FBXW2: variants seen among roughly 807,000 people sequenced by gnomAD.
FBXW2 encodes the protein F-box and WD repeat domain containing 2.
In FBXW2, 12 loss-of-function variants were observed where a neutral mutation model predicts 46.0. The ratio of observed to expected loss-of-function variants is 0.26; its 90% CI spans 0.17 to 0.42. The LOEUF (loss-of-function observed/expected upper bound fraction) is 0.42. Among genes scored for constraint, FBXW2 ranks in the 10% least tolerant of loss-of-function variants. FBXW2 has a pLI of 1.00. For synonymous variants in FBXW2, 203 were observed against 209.6 expected, an observed-to-expected ratio of 0.97 and a Z score of 0.27; for missense variants, 360 against 537.0, an observed-to-expected ratio of 0.67 and a Z score of 3.26.
At position 120,771,479 on chromosome 9, in the gene FBXW2, T is replaced by C; in HGVS notation, c.945A>G (p.Leu315=). Residue 315 remains leucine (L), a synonymous_variant, in exon 7 of 8, where the codon TTA becomes TTG. Transcript: ENST00000608872. ...PIGREINCKC[L]KTLSVSEDRS... ...TATCCTCAGAGACAGACAATGTCTT[T>C]AAGCACTTACAGTTGATTTCTCTCC... 2 of 1,613,550 alleles carry C rather than the reference T, an allele frequency of 1.2e-6. No individual in the cohort carries two copies. Among genetic ancestry groups the C allele is most frequent in the Non-Finnish European group, 8.5e-7 (1 of 1,179,876 alleles).
intron 7 of FBXW2, among the ~76,000 whole-genome samples, chr9:120,770,840 T>C (rs753665606): frequency 1.3e-5 from 2 of 152,198 alleles, no homozygotes; most frequent in Non-Finnish European, 1.5e-5. Context: ...CACAAAATTA[T>C]TTGTCTATGG....
intron 5 of FBXW2, among the ~76,000 whole-genome samples, chr9:120,773,137 T>C (rs556546996): frequency 6.6e-6 from 1 of 150,724 alleles, no homozygotes; most frequent in Non-Finnish European, 1.5e-5. Context: ...CAGTGAGCTA[T>C]GATTGCACCA....
intron 3 of FBXW2, 38 bp downstream of exon 3, chr9:120,787,731 C>G: frequency 1.3e-6 from 2 of 1,569,290 alleles, no homozygotes; most frequent in Non-Finnish European, 1.7e-6. Flanking sequence ...CTATGAAATA[C>G]AAAACAAAAC....
At chr9:120,776,857 ACT>A (rs1156396827) in intron 4 of FBXW2, among the ~76,000 whole-genome samples, 1 of 152,180 alleles carries the variant, frequency 6.6e-6, no homozygotes, top group Non-Finnish European at 1.5e-5. Context: ...AGATGAAGAC[ACT>A]GATTCTTCCT....
At chr9:120,784,641 TG>T (rs2044681449) in intron 3 of FBXW2, among the ~76,000 whole-genome samples, 1 of 150,232 alleles carries the variant, frequency 6.7e-6, no homozygotes, top group Non-Finnish European at 1.5e-5. Flanking sequence ...AAAATGCGGC[TG>T]GGTGCAGTGC....
rs1388438934 is a variant in FBXW2 at position 120,757,778 on chromosome 9, G to A, written c.*6781C>T. 6.6e-6 allele frequency: 1 copy of A among 151,958 alleles called. No individual in the cohort carries two copies. Among genetic ancestry groups the A allele is most frequent in the East Asian group, 1.9e-4 (1 of 5,190 alleles). The allele number at this position is 151,958 out of a possible 1,614,324, so 9.4% of individuals were successfully genotyped here. ...AAGGACAGGAACATCCCACTGGCAG[G>A]GACTACTCATGTCTAATCACAGTGT... On this transcript the variant is annotated 3_prime_UTR_variant, in exon 8 of 8. Transcript: ENST00000608872.
chr9:120,790,065 A>C (rs1440292597), intron 2 of FBXW2, among the ~76,000 whole-genome samples: 1 of 152,206 alleles, frequency 6.6e-6, no homozygotes, highest in Non-Finnish European at 1.5e-5. Flanking sequence ...TTATCTATAC[A>C]ACATTTCTTC....
At chr9:120,781,675 C>CACATACAT (rs761941263) in intron 3 of FBXW2, among the ~76,000 whole-genome samples, 4 of 146,226 alleles carry the variant, frequency 2.7e-5, no homozygotes, top group African/African-American at 1.0e-4. Context: ...CACACACACA[C>CACATACAT]ATACACACAC....
At chr9:120,774,262 G>A (rs965962548) in intron 5 of FBXW2, among the ~76,000 whole-genome samples, 26 of 150,738 alleles carry the variant, frequency 1.7e-4, no homozygotes, top group Admixed American at 6.6e-4. Flanking sequence ...ACTTGAACCC[G>A]GCAGATGGAT....
intron 2 of FBXW2, among the ~76,000 whole-genome samples, chr9:120,791,119 A>G (rs575675084): frequency 5.3e-5 from 8 of 152,338 alleles, no homozygotes; most frequent in African/African-American, 1.7e-4. Flanking sequence ...TTTTCTGAAC[A>G]GATCAACTAA....
Position 120,762,363 on chromosome 9 carries a change from A to AG in FBXW2, c.*2195dup. ...CTCAAAAAAAAAAAAATAATAATAA[A>AG]GTAAAAAGTCATTTACCATCATCAT... On this transcript the variant is annotated 3_prime_UTR_variant, in exon 8 of 8. Transcript: ENST00000608872. The AG allele has an allele frequency of 6.6e-6, 1 of 151,850 alleles. No individual in the cohort carries two copies. The highest frequency in any genetic ancestry group is 2.4e-5 in the African/African-American group (1 of 41,198). The allele number at this position is 151,850 out of a possible 1,614,324, so 9.4% of individuals were successfully genotyped here.
At chr9:120,781,675 C>CACACACACACACACAT (rs761941263) in intron 3 of FBXW2, among the ~76,000 whole-genome samples, 2 of 146,226 alleles carry the variant, frequency 1.4e-5, no homozygotes, top group South Asian at 2.2e-4. Flanking sequence ...CACACACACA[C>CACACACACACACACAT]ATACACACAC....
intron 4 of FBXW2, 149 bp downstream of exon 4, chr9:120,778,202 C>T: frequency 2.7e-6 from 2 of 753,774 alleles, no homozygotes. Context: ...ATAAGAGTAA[C>T]TAGAATAAAG....
At position 120,787,945 on chromosome 9, in the gene FBXW2, A is replaced by C. The variant is rs778795637; in HGVS notation, c.314T>G (p.Leu105Trp). ...TEVWQTACKN[L>W]GWQIDDSVQD... The stretch of plus-strand genomic sequence containing the variant: ...AACAGAATCATCTATCTGCCAGCCC[A>C]AATTTTTACATGCAGTCTGCCACAC... The change falls in exon 3 of 8, where the codon TTG becomes TGG. Residue 105 changes from leucine (L) to tryptophan (W), a missense_variant. Physicochemically the swap from Leu to Trp is moderately conservative, Grantham distance 61. Coordinates refer to ENST00000608872, the MANE Select transcript of FBXW2 (RefSeq NM_012164.4). 1.2e-5 allele frequency: 20 copies of C among 1,614,210 alleles called. No homozygotes were observed. The East Asian group carries it at 4.5e-4, about 36-fold the overall frequency.
chr9:120,786,720 GATT>G (rs1210128177), intron 3 of FBXW2, among the ~76,000 whole-genome samples: 1 of 152,138 alleles, frequency 6.6e-6, no homozygotes, highest in Admixed American at 6.5e-5. Flanking sequence ...CAGGCATTGG[GATT>G]ATTAGCAAGA....
intron 4 of FBXW2, among the ~76,000 whole-genome samples, chr9:120,777,345 C>T (rs1269727853): frequency 1.3e-5 from 2 of 152,290 alleles, no homozygotes; most frequent in South Asian, 2.1e-4. Context: ...GCAAAAAATA[C>T]GTGTTTTTAT....
At chr9:120,779,400 A>G (rs1249128678) in intron 3 of FBXW2, among the ~76,000 whole-genome samples, 1 of 152,240 alleles carries the variant, frequency 6.6e-6, no homozygotes, top group African/African-American at 2.4e-5. Flanking sequence ...CCAAATGACC[A>G]GTTTTTAAAA....
chr9:120,775,120 C>T (rs372548680), intron 5 of FBXW2, among the ~76,000 whole-genome samples: 4 of 151,914 alleles, frequency 2.6e-5, no homozygotes, highest in African/African-American at 9.7e-5. Flanking sequence ...TGCAGTGGCA[C>T]GATCTTGGCT....
chr9:120,788,820 T>C (rs1273306841), intron 2 of FBXW2, among the ~76,000 whole-genome samples: 1 of 152,180 alleles, frequency 6.6e-6, no homozygotes, highest in Non-Finnish European at 1.5e-5. Flanking sequence ...AACTGACTAC[T>C]TGGTTTTGCA....
Sources: gnomAD v4.1 joint callset for allele counts (sites outside exome capture counted in the v4.1 genomes callset) on GRCh38, gnomAD v4.1.1 for gene constraint, MANE v1.5 for transcripts, NCBI Gene and HGNC (gene_info 2026-07-23, HGNC 2026-07-21) for gene names.